CSGALNACT1: variants seen among roughly 807,000 people sequenced by gnomAD.
CSGALNACT1 encodes chondroitin sulfate N-acetylgalactosaminyltransferase 1.
CSGALNACT1 carries 52 observed loss-of-function variants against 51.0 expected under a neutral mutation model. The observed-to-expected ratio is 1.02, with a 90% confidence interval of 0.82 to 1.29. The LOEUF (loss-of-function observed/expected upper bound fraction) is 1.29, where lower values mean the gene tolerates loss of function less well. Among genes scored for constraint, CSGALNACT1 ranks in the 50% most tolerant of loss-of-function variants. The probability of loss-of-function intolerance (pLI) is 0.00; values close to 1 mark genes in which losing one functional copy is unlikely to be tolerated. For missense variants in CSGALNACT1, 935 were observed against 679.2 expected (o/e 1.38, Z -4.19); for synonymous variants, 341 against 254.4 (o/e 1.34, Z -3.24).
chr8:19,438,739 A>C (rs2060806005), intron 6 of CSGALNACT1, among the ~76,000 whole-genome samples: 1 of 152,252 alleles, frequency 6.6e-6, no homozygotes, highest in African/African-American at 2.4e-5. Flanking sequence ...TTATTTACAA[A>C]GACAGGTGCA....
intron 1 of CSGALNACT1, among the ~76,000 whole-genome samples, chr8:19,648,531 G>A (rs768798834): frequency 6.6e-6 from 1 of 152,174 alleles, no homozygotes; most frequent in Non-Finnish European, 1.5e-5. Context: ...AACCTGGCTC[G>A]ACACTGTGGC....
intron 1 of CSGALNACT1, among the ~76,000 whole-genome samples, chr8:19,647,171 C>G (rs1452420635): frequency 6.6e-6 from 1 of 152,158 alleles, no homozygotes; most frequent in Non-Finnish European, 1.5e-5. Flanking sequence ...GCTGACAACT[C>G]ACAGCTTCTC....
chr8:19,688,355 A>C (rs2061095222), intron 1 of CSGALNACT1, among the ~76,000 whole-genome samples: 1 of 152,190 alleles, frequency 6.6e-6, no homozygotes, highest in Non-Finnish European at 1.5e-5. Flanking sequence ...TGTAAAAAAA[A>C]ATCTCTTTGG....
At chr8:19,675,420 C>T (rs922318845) in intron 1 of CSGALNACT1, among the ~76,000 whole-genome samples, 1 of 152,142 alleles carries the variant, frequency 6.6e-6, no homozygotes, top group Non-Finnish European at 1.5e-5. Context: ...AAAAGGGATT[C>T]TTATGAATCA....
At chr8:19,450,359 A>T (rs1428168509) in intron 5 of CSGALNACT1, among the ~76,000 whole-genome samples, 1 of 151,988 alleles carries the variant, frequency 6.6e-6, no homozygotes, top group East Asian at 1.9e-4. Flanking sequence ...TTAAGCCAAT[A>T]TGTGACTGGA....
intron 3 of CSGALNACT1, among the ~76,000 whole-genome samples, chr8:19,518,550 T>C (rs1306410909): frequency 6.6e-6 from 1 of 152,212 alleles, no homozygotes; most frequent in Non-Finnish European, 1.5e-5. Flanking sequence ...CAAACCAGAC[T>C]ATAAAATCCT....
chr8:19,671,877 C>T (rs1216071666), intron 1 of CSGALNACT1, among the ~76,000 whole-genome samples: 2 of 152,128 alleles, frequency 1.3e-5, no homozygotes, highest in Non-Finnish European at 2.9e-5. Flanking sequence ...ATTAAATATT[C>T]TTTTGCAATA....
chr8:19,693,351 G>A lies in CSGALNACT1; in HGVS notation c.-297+64499C>T, dbSNP rs3735957. Among the ~76,000 whole-genome samples, 531 of 152,142 alleles carry A rather than the reference G, an allele frequency of 3.5e-3. 8 individuals carry two copies. Among genetic ancestry groups the A allele is most frequent in the Admixed American group, 0.024 (366 of 15,280 alleles). On this transcript the variant is annotated intron_variant, in intron 1 of 1. Transcript: ENST00000517494. ...CCCATGCAGATGCAGTTCTTCACCT[G>A]TGGTACCACCATCCTCTCTCTGTTC...
At chr8:19,519,194 T>TG (rs969483897) in intron 3 of CSGALNACT1, among the ~76,000 whole-genome samples, 1 of 151,974 alleles carries the variant, frequency 6.6e-6, no homozygotes, top group Admixed American at 6.6e-5. Context: ...GCCCTGGGGG[T>TG]GGGGGTCTAC....
intron 4 of CSGALNACT1, among the ~76,000 whole-genome samples, chr8:19,499,312 C>G (rs570793469): frequency 7.8e-4 from 118 of 152,236 alleles, no homozygotes; most frequent in Non-Finnish European, 4.4e-4. Flanking sequence ...TTTAAAGTGT[C>G]TGCATCTACC....
chr8:19,511,106 A>G (rs1284550555), intron 3 of CSGALNACT1, among the ~76,000 whole-genome samples: 2 of 152,388 alleles, frequency 1.3e-5, no homozygotes, highest in African/African-American at 4.8e-5. Flanking sequence ...AGCAGCAGGC[A>G]GAAAGGACAG....
At chr8:19,559,630 T>C (rs545297964) in intron 3 of CSGALNACT1, among the ~76,000 whole-genome samples, 1 of 152,262 alleles carries the variant, frequency 6.6e-6, no homozygotes, top group African/African-American at 2.4e-5. Context: ...ATTAGCAATG[T>C]AGAAAAACTA....
At chr8:19,479,168 G>A (rs187648465) in intron 4 of CSGALNACT1, among the ~76,000 whole-genome samples, 9 of 152,340 alleles carry the variant, frequency 5.9e-5, no homozygotes, top group East Asian at 5.8e-4. Flanking sequence ...AGCCATCTGC[G>A]TAACTTGTGG....
chr8:19,449,643 C>T (rs1305761365), intron 5 of CSGALNACT1, among the ~76,000 whole-genome samples: 1 of 152,030 alleles, frequency 6.6e-6, no homozygotes, highest in Non-Finnish European at 1.5e-5. Flanking sequence ...AATTCAAGTA[C>T]AAGATTTCCT....
At chr8:19,662,087 C>CCCCCCCCCCCT (rs2058811320) in intron 1 of CSGALNACT1, among the ~76,000 whole-genome samples, 1 of 113,128 alleles carries the variant, frequency 8.8e-6, no homozygotes, top group African/African-American at 3.1e-5. Context: ...CCCCCCCCCC[C>CCCCCCCCCCCT]CCGCATCTTC....
chr8:19,421,162 C>T (rs2057859566), intron 6 of CSGALNACT1, among the ~76,000 whole-genome samples: 1 of 152,192 alleles, frequency 6.6e-6, no homozygotes. Flanking sequence ...ACCTCAGTTG[C>T]CTCATCTGCT....
intron 4 of CSGALNACT1, among the ~76,000 whole-genome samples, chr8:19,504,575 G>A (rs17479777): frequency 0.19 from 28,123 of 151,908 alleles, 2,660 homozygotes; most frequent in South Asian, 0.28. Flanking sequence ...TCCTACGCCC[G>A]TGAAAAAAAA....
At chr8:19,476,332 G>A (rs578190918) in intron 4 of CSGALNACT1, among the ~76,000 whole-genome samples, 10 of 152,214 alleles carry the variant, frequency 6.6e-5, no homozygotes, top group East Asian at 3.9e-4. Flanking sequence ...TCTGCCTTCC[G>A]AGTTCAAGCG....
At chr8:19,535,481 T>G (rs993071546) in intron 3 of CSGALNACT1, among the ~76,000 whole-genome samples, 4 of 152,150 alleles carry the variant, frequency 2.6e-5, no homozygotes, top group Admixed American at 6.5e-5. Flanking sequence ...GACTGGAGGG[T>G]TTAGACAAAA....
Sources: gnomAD v4.1 joint callset for allele counts (sites outside exome capture counted in the v4.1 genomes callset) on GRCh38, gnomAD v4.1.1 for gene constraint, MANE v1.5 for transcripts, NCBI Gene and HGNC (gene_info 2026-07-23, HGNC 2026-07-21) for gene names.